The following FGD5 variants were observed in gnomAD, a reference collection of about 807,000 sequenced individuals.
FGD5 encodes FYVE, RhoGEF and PH domain containing 5, also known as FYVE, RhoGEF and PH domain-containing protein 5.
In FGD5, 28 loss-of-function variants were observed where a neutral mutation model predicts 133.4. The observed-to-expected ratio is 0.21, with a 90% CI of 0.16 to 0.29. The LOEUF (loss-of-function observed/expected upper bound fraction) is 0.29. Ranked by LOEUF, FGD5 falls within the 10% of genes least tolerant of loss-of-function variation. The pLI is 1.00. For synonymous variants in FGD5, 810 were observed against 776.5 expected, an observed-to-expected ratio of 1.04 and a Z score of -0.72; for missense variants, 1,858 against 1,895.2, an observed-to-expected ratio of 0.98 and a Z score of 0.36.
rs756860913 is a variant in FGD5, at chr3:14,820,883, C to T, written c.1812C>T (p.Ser604=). 1.2e-5 allele frequency: 19 copies of T among 1,613,622 alleles called. No individual in the cohort carries two copies. Among genetic ancestry groups the T allele is most frequent in the East Asian group, 6.7e-5 (3 of 44,840 alleles). Residue 604 remains serine (S), a synonymous_variant, in exon 1 of 20, where the codon AGC becomes AGT. Transcript: ENST00000285046. ...CCCAGAGAAACCACCTTCCGTCCAG[C>T]GGCACCTCCACGCCTTCTTCCATGG... is the stretch of plus-strand genomic sequence containing the variant. ...SFSQRNHLPS[S]GTSTPSSMVD... is the part of the protein sequence containing the mutation.
chr3:14,876,752 A>G (rs983746413), intron 2 of FGD5, among the ~76,000 whole-genome samples: 5 of 152,232 alleles, frequency 3.3e-5, no homozygotes, highest in African/African-American at 1.2e-4. Context: ...AGGACTTTAC[A>G]TACCTCAGAG....
At chr3:14,900,300 G>A in intron 7 of FGD5, 103 bp from the exon 8 acceptor site, 1 of 1,141,010 alleles carries the variant, frequency 8.8e-7, no homozygotes, top group Admixed American at 2.0e-5. Context: ...GAGGGTGGAT[G>A]CTTCATTCTT....
chr3:14,852,183 G>T (rs746569128), intron 1 of FGD5, among the ~76,000 whole-genome samples: 21 of 152,184 alleles, frequency 1.4e-4, no homozygotes, highest in Non-Finnish European at 2.8e-4. Context: ...TAGCCAAAAA[G>T]AAACAATTCA....
intron 4 of FGD5, among the ~76,000 whole-genome samples, chr3:14,889,243 A>G (rs936632558): frequency 5.3e-5 from 8 of 152,200 alleles, no homozygotes; most frequent in East Asian, 1.9e-4. Context: ...GAACATTTCC[A>G]TCATCCCAGA....
At chr3:14,878,612 A>C (rs544547720) in intron 2 of FGD5, among the ~76,000 whole-genome samples, 2 of 152,216 alleles carry the variant, frequency 1.3e-5, no homozygotes, top group East Asian at 3.9e-4. Flanking sequence ...GCTGGATACT[A>C]TTCTCCTACT....
intron 1 of FGD5, among the ~76,000 whole-genome samples, chr3:14,832,470 A>G (rs2036730675): frequency 6.6e-6 from 1 of 152,068 alleles, no homozygotes; most frequent in African/African-American, 2.4e-5. Context: ...GAGAATTTTA[A>G]CCCAGGCAGT....
At chr3:14,867,150 A>G (rs1440700618) in intron 2 of FGD5, among the ~76,000 whole-genome samples, 3 of 152,210 alleles carry the variant, frequency 2.0e-5, no homozygotes, top group Non-Finnish European at 4.4e-5. Flanking sequence ...TGAGGGTGAA[A>G]GTCCCCTCGA....
intron 17 of FGD5, among the ~76,000 whole-genome samples, chr3:14,925,126 A>C (rs4549257): frequency 0.7 from 88,688 of 127,256 alleles, 31,734 homozygotes; most frequent in East Asian, 0.93. Context: ...AAAAAAAAAA[A>C]AACACATACA....
Position 14,922,637 on chromosome 3 carries a change from C to T in FGD5, c.3807+89C>T, listed in dbSNP as rs2038708105. ...GCCCAGCCGGGGGCTCAGGGATGTCCAGCAGCTACTGTAAGCCCCAGAGTG... is the reference window on the plus strand; with the variant it reads ...GCCCAGCCGGGGGCTCAGGGATGTCTAGCAGCTACTGTAAGCCCCAGAGTG... On this transcript the variant is annotated intron_variant, in intron 15 of 19. Coordinates refer to ENST00000285046, the MANE Select transcript of FGD5 (RefSeq NM_152536.4). This position sits in a 1 kb window ranked among gnomAD's most constrained non-coding sequence, Gnocchi z 4.1. 2 of 1,488,502 alleles carry T rather than the reference C, an allele frequency of 1.3e-6. No homozygotes were observed. The highest frequency in any genetic ancestry group is 9.0e-7 in the Non-Finnish European group (1 of 1,114,232). 92.2% of individuals were successfully genotyped at this position (1,488,502 alleles called of 1,614,324 possible).
chr3:14,881,351 G>A (rs555008706), intron 4 of FGD5, among the ~76,000 whole-genome samples: 91 of 152,230 alleles, frequency 6.0e-4, no homozygotes, highest in Non-Finnish European at 1.2e-3. Context: ...TCCCTTTGCA[G>A]TCAGCTCAGT....
chr3:14,848,159 C>T (rs2037087094), intron 1 of FGD5, among the ~76,000 whole-genome samples: 1 of 152,174 alleles, frequency 6.6e-6, no homozygotes, highest in South Asian at 2.1e-4. Flanking sequence ...ACTGTGAGCC[C>T]TGAAGACATG....
intron 1 of FGD5, among the ~76,000 whole-genome samples, chr3:14,827,386 T>C (rs941788238): frequency 6.6e-6 from 1 of 151,566 alleles, no homozygotes. Context: ...CCTCCCAGGT[T>C]CATGCCATTC....
chr3:14,897,621 A>G lies in FGD5; in HGVS notation c.2861A>G (p.Asp954Gly), dbSNP rs2038161752. ...CTGAGTGAACTCCCAGCCATCCACG[A>G]CCTTCATCAAGGCATCCTGGAGGAG... ...QGLSELPAIH[D>G]LHQGILEELE... Residue 954 changes from aspartate (D) to glycine (G), a missense_variant, in exon 5 of 20, where the codon GAC becomes GGC. By Grantham distance (94) the Asp-to-Gly change is moderately conservative. Coordinates refer to ENST00000285046, the MANE Select transcript of FGD5 (RefSeq NM_152536.4). The G allele has an allele frequency of 1.2e-6, 2 of 1,606,696 alleles. No homozygotes were observed. The highest frequency in any genetic ancestry group is 2.7e-5 in the African/African-American group (2 of 74,766).
At chr3:14,848,233 C>G (rs1687294) in intron 1 of FGD5, among the ~76,000 whole-genome samples, 2 of 151,952 alleles carry the variant, frequency 1.3e-5, no homozygotes, top group East Asian at 1.9e-4. Flanking sequence ...TTGTGGGAGG[C>G]AAAAGTCCCA....
chr3:14,907,963 C>A (rs2038371429), intron 10 of FGD5, among the ~76,000 whole-genome samples: 1 of 152,180 alleles, frequency 6.6e-6, no homozygotes, highest in African/African-American at 2.4e-5. Context: ...TTTCTGTGTT[C>A]CCTGTGGCTC....
chr3:14,847,645 G>C (rs1247341764), intron 1 of FGD5, among the ~76,000 whole-genome samples: 1 of 152,226 alleles, frequency 6.6e-6, no homozygotes. Flanking sequence ...CTTTACTGAT[G>C]AGGAAATTGA....
chr3:14,819,578 A>G lies in FGD5; in HGVS notation c.507A>G (p.Leu169=). The G allele has an allele frequency of 6.4e-6, 10 of 1,551,414 alleles. No individual in the cohort carries two copies. Among genetic ancestry groups the G allele is most frequent in the Non-Finnish European group, 8.7e-6 (10 of 1,146,970 alleles). The change falls in exon 1 of 20, where the codon CTA becomes CTG. Residue 169 remains leucine, a synonymous_variant. Transcript: ENST00000285046. This position sits in a 1 kb window ranked among gnomAD's most constrained non-coding sequence, Gnocchi z 4.1. Reference sequence around the variant, plus strand: ...CCAGAAGTGAGGAGGAAGAGAAGCTAGTGCAGCCACACAGGGAGTGCAGCC... The same window carrying G: ...CCAGAAGTGAGGAGGAAGAGAAGCTGGTGCAGCCACACAGGGAGTGCAGCC... ...QVSRSEEEEK[L]VQPHRECSLE...
chr3:14,929,555 T>C (rs878969700), intron 18 of FGD5, among the ~76,000 whole-genome samples: 3 of 152,228 alleles, frequency 2.0e-5, no homozygotes, highest in African/African-American at 7.2e-5. Context: ...GTGGGGAGTG[T>C]TGAGGTAACT....
chr3:14,897,309 CT>C (rs1441137916), intron 4 of FGD5, 199 bp from the exon 5 acceptor site: 2 of 602,350 alleles, frequency 3.3e-6, no homozygotes, highest in East Asian at 6.1e-5. Context: ...TGGGTGTCAG[CT>C]CAGGCAGCCC....
Sources: allele counts gnomAD v4.1 joint callset (sites outside exome capture counted in the v4.1 genomes callset), GRCh38; gene constraint gnomAD v4.1.1; non-coding constraint Gnocchi (gnomAD v3.1); transcripts MANE v1.5; gene names NCBI Gene and HGNC (gene_info 2026-07-23, HGNC 2026-07-21).